Variants in TUSC3 observed in about 807,000 individuals in gnomAD.
TUSC3 encodes tumor suppressor candidate 3.
Under a neutral mutation model 44.8 loss-of-function variants are expected in TUSC3, and 45 were observed. The ratio of observed to expected loss-of-function variants is 1.00; its 90% CI spans 0.79 to 1.29. The LOEUF (loss-of-function observed/expected upper bound fraction) is 1.29, where lower values mean the gene tolerates loss of function less well. Among genes scored for constraint, TUSC3 ranks in the 50% most tolerant of loss-of-function variants. The pLI, the probability that TUSC3 is intolerant of heterozygous loss-of-function variation, is 0.00. For synonymous variants in TUSC3, 212 were observed against 152.9 expected (o/e 1.39, Z -2.85); for missense variants, 519 against 437.9 (o/e 1.19, Z -1.65).
chr8:15,648,443 T>C (rs7012084), intron 2 of TUSC3, among the ~76,000 whole-genome samples: 49,028 of 151,852 alleles, frequency 0.32, 8,385 homozygotes, highest in East Asian at 0.43. Flanking sequence ...GAATAAGACG[T>C]TGGCTGGGCG....
chr8:15,730,821 T>A, intron 7 of TUSC3, 92 bp downstream of exon 7: 1 of 1,245,936 alleles, frequency 8.0e-7, no homozygotes, highest in South Asian at 1.3e-5. Context: ...ATATCAAGAC[T>A]TTTAAGAGAC....
chr8:15,829,337 G>C, the TUSC3 span, among the ~76,000 whole-genome samples: 1 of 152,130 alleles, frequency 6.6e-6, no homozygotes, highest in Non-Finnish European at 1.5e-5. Context: ...TATACTTTTA[G>C]TTTTGAAACA....
intron 2 of TUSC3, among the ~76,000 whole-genome samples, chr8:15,626,093 C>T (rs1805497296): frequency 6.6e-6 from 1 of 152,072 alleles, no homozygotes; most frequent in Non-Finnish European, 1.5e-5. Flanking sequence ...GTGGGGAGAC[C>T]CGTGTGCACC....
intron 1 of TUSC3, among the ~76,000 whole-genome samples, chr8:15,615,991 C>T (rs1335164037): frequency 6.6e-6 from 1 of 152,128 alleles, no homozygotes; most frequent in Admixed American, 6.6e-5. Context: ...ACCATGAAGA[C>T]TGGCTCATTT....
chr8:15,602,711 T>C (rs1804343172), intron 1 of TUSC3, among the ~76,000 whole-genome samples: 1 of 151,094 alleles, frequency 6.6e-6, no homozygotes, highest in Non-Finnish European at 1.5e-5. Context: ...TATGTGTATG[T>C]ATACGTGTGT....
chr8:15,493,174 G>A (rs925238656), intron 2 of TUSC3, among the ~76,000 whole-genome samples: 5 of 152,152 alleles, frequency 3.3e-5, no homozygotes, highest in African/African-American at 1.2e-4. Context: ...CAAAGTGAAT[G>A]AAAGAACCAA....
At chr8:15,798,701 C>T in the TUSC3 span, among the ~76,000 whole-genome samples, 1 of 152,098 alleles carries the variant, frequency 6.6e-6, no homozygotes, top group Non-Finnish European at 1.5e-5. Context: ...CATCAGCAGT[C>T]ACACTGCTTT....
chr8:15,483,569 C>T (rs1800692148), intron 2 of TUSC3: 1 of 154,104 alleles, frequency 6.5e-6, no homozygotes, highest in South Asian at 2.0e-4. Flanking sequence ...GAACTCCCGG[C>T]CTCAGGTGAT....
At chr8:15,655,228 G>A (rs185598518) in intron 3 of TUSC3, among the ~76,000 whole-genome samples, 6 of 152,290 alleles carry the variant, frequency 3.9e-5, no homozygotes, top group South Asian at 2.1e-4. Flanking sequence ...TGAAGATGGT[G>A]ATTAGCAGCT....
At chr8:15,624,532 A>G (rs1215644534) in intron 2 of TUSC3, among the ~76,000 whole-genome samples, 1 of 152,266 alleles carries the variant, frequency 6.6e-6, no homozygotes, top group South Asian at 2.1e-4. Flanking sequence ...CCTCATTGTG[A>G]TTTAATTTTG....
chr8:15,576,647 T>C (rs1803128646), intron 1 of TUSC3, among the ~76,000 whole-genome samples: 1 of 142,650 alleles, frequency 7.0e-6, no homozygotes, highest in Non-Finnish European at 1.5e-5. Flanking sequence ...GAACTCATCA[T>C]TTTTTATGGC....
At chr8:15,537,830 TTGAGTA>T (rs1801546404), upstream of TUSC3, among the ~76,000 whole-genome samples, 2 of 152,166 alleles carry the variant, frequency 1.3e-5, no homozygotes, top group Non-Finnish European at 2.9e-5. Flanking sequence ...TGTGATTATG[TTGAGTA>T]TATCTAGATG....
Position 15,650,798 on chromosome 8 carries a change from C to T in TUSC3, c.410C>T (p.Thr137Ile), listed in dbSNP as rs1219565001. The change falls in exon 3 of 11, where the codon ACA (threonine) becomes ATA (isoleucine). Residue 137 changes from threonine (T) to isoleucine (I), a missense_variant. Thr to Ile is a moderately conservative substitution (Grantham distance 89, BLOSUM62 -1). Coordinates refer to ENST00000503731, the MANE Select transcript of TUSC3 (RefSeq NM_006765.4). Reference protein sequence around the residue: ...FFSMVDYDEGTDVFQQLNMNS... With the variant: ...FFSMVDYDEGIDVFQQLNMNS... ...AGTATGGTGGACTATGATGAGGGGA[C>T]AGACGTTTTTCAGCAGGTAAAGAGT... 6.2e-7 allele frequency: 1 copy of T among 1,613,952 alleles called. No individual in the cohort carries two copies. Among genetic ancestry groups the T allele is most frequent in the Admixed American group, 1.7e-5 (1 of 60,022 alleles).
In TUSC3 at chr8:15,723,010, AC is replaced by A. The variant is rs546525858; in HGVS notation, c.799-7654del. Among the ~76,000 whole-genome samples, 58 of 152,152 alleles carry A rather than the reference AC, an allele frequency of 3.8e-4. No homozygotes were observed. The East Asian group carries it at 0.01, about 27-fold the overall frequency. The stretch of plus-strand genomic sequence containing the variant: ...GTACAAATTTCTCGTCCTACCACAG[AC>A]CTATTGTGTAGGAGTTTCCATATAT... On this transcript the variant is annotated intron_variant, in intron 6 of 10. Transcript: ENST00000503731.
At chr8:15,578,015 G>C in intron 1 of TUSC3, among the ~76,000 whole-genome samples, 1 of 149,500 alleles carries the variant, frequency 6.7e-6, no homozygotes, top group Admixed American at 6.7e-5. Flanking sequence ...AGTTCTCCTT[G>C]AAGAGGTCCT....
chr8:15,668,560 G>T (rs1013664102), intron 5 of TUSC3, among the ~76,000 whole-genome samples: 1 of 151,754 alleles, frequency 6.6e-6, no homozygotes, highest in Non-Finnish European at 1.5e-5. Flanking sequence ...AGGTAAATCA[G>T]ATATGTATAT....
chr8:15,584,604 A>G (rs921552774), intron 1 of TUSC3, among the ~76,000 whole-genome samples: 1 of 152,036 alleles, frequency 6.6e-6, no homozygotes, highest in Non-Finnish European at 1.5e-5. Flanking sequence ...GAAATGGTAA[A>G]GGCTTCCTAG....
At chr8:15,791,035 C>T in the TUSC3 span, among the ~76,000 whole-genome samples, 6 of 151,832 alleles carry the variant, frequency 4.0e-5, no homozygotes. Flanking sequence ...GTACTCAAGG[C>T]CAAAAAGTGA....
downstream of TUSC3, among the ~76,000 whole-genome samples, chr8:15,771,544 C>T (rs1393978074): frequency 6.6e-6 from 1 of 152,076 alleles, no homozygotes; most frequent in Admixed American, 6.6e-5. Context: ...TAAAAGATTG[C>T]ATAATACAGT....
Sources: gnomAD v4.1 joint callset for allele counts (sites outside exome capture counted in the v4.1 genomes callset) on GRCh38, gnomAD v4.1.1 for gene constraint, MANE v1.5 for transcripts, NCBI Gene and HGNC (gene_info 2026-07-23, HGNC 2026-07-21) for gene names.